GRIK4: variants seen among roughly 807,000 people sequenced by gnomAD.
GRIK4 encodes glutamate ionotropic receptor kainate type subunit 4.
In GRIK4, 40 loss-of-function variants were observed where a neutral mutation model predicts 104.9. That is an observed-to-expected ratio of 0.38 (90% CI 0.30 to 0.50). GRIK4 has a LOEUF of 0.50. Among genes scored for constraint, GRIK4 ranks in the 20% least tolerant of loss-of-function variants. The probability of loss-of-function intolerance (pLI) is 0.93; values close to 1 mark genes in which losing one functional copy is unlikely to be tolerated. For missense variants in GRIK4, 1,047 were observed against 1,308.1 expected, an observed-to-expected ratio of 0.80 and a Z score of 3.08; for synonymous variants, 485 against 524.9, an observed-to-expected ratio of 0.92 and a Z score of 1.04.
chr11:120,986,304 G>T lies in GRIK4; in HGVS notation c.*44G>T. 1 of 1,402,238 alleles carries T rather than the reference G, an allele frequency of 7.1e-7. No individual in the cohort carries two copies. Among genetic ancestry groups the T allele is most frequent in the Non-Finnish European group, 9.2e-7 (1 of 1,082,356 alleles). 86.9% of individuals were successfully genotyped at this position (1,402,238 alleles called of 1,614,324 possible). ...GCGCAGAGGCCGGGCGGGGCGGGAG[G>T]GGAGGGGCGGGGCGGGCGCTGCTGT... On this transcript the variant is annotated 3_prime_UTR_variant, in exon 21 of 21. Transcript: ENST00000527524.
chr11:120,582,552 A>C (rs1199348924), intron 1 of GRIK4, among the ~76,000 whole-genome samples: 3 of 152,076 alleles, frequency 2.0e-5, no homozygotes, highest in African/African-American at 7.2e-5. Context: ...TGCAAAAGTA[A>C]TTGCAGTTTT....
intron 3 of GRIK4, among the ~76,000 whole-genome samples, chr11:120,696,319 C>T (rs1025669008): frequency 2.0e-5 from 3 of 152,078 alleles, no homozygotes; most frequent in African/African-American, 4.8e-5. Flanking sequence ...AGCAGACTTA[C>T]GCTATCCACA....
chr11:120,772,843 G>T (rs1017376695), intron 3 of GRIK4, among the ~76,000 whole-genome samples: 1 of 151,888 alleles, frequency 6.6e-6, no homozygotes. Flanking sequence ...GGGTCCAAGT[G>T]CTGGTGCATT....
chr11:120,620,830 T>A (rs887560141), intron 1 of GRIK4, among the ~76,000 whole-genome samples: 4 of 152,210 alleles, frequency 2.6e-5, no homozygotes, highest in Non-Finnish European at 4.4e-5. Context: ...GCATGCACGA[T>A]GTGCCGGGCA....
At chr11:120,733,779 C>A (rs1951179711) in intron 3 of GRIK4, among the ~76,000 whole-genome samples, 2 of 150,858 alleles carry the variant, frequency 1.3e-5, no homozygotes, top group South Asian at 4.2e-4. Context: ...GCTCTGTCAC[C>A]CAGGCTAGAG....
At chr11:120,880,375 G>A (rs1954933443) in intron 11 of GRIK4, among the ~76,000 whole-genome samples, 1 of 152,208 alleles carries the variant, frequency 6.6e-6, no homozygotes, top group African/African-American at 2.4e-5. Flanking sequence ...AACCCTGCAG[G>A]AGAGCTATTC....
intron 8 of GRIK4, among the ~76,000 whole-genome samples, chr11:120,839,041 C>A (rs1157706120): frequency 6.6e-6 from 1 of 152,100 alleles, no homozygotes; most frequent in Non-Finnish European, 1.5e-5. Context: ...CCTGCCTTGG[C>A]CTCCAAAAAA....
chr11:120,753,578 A>G (rs978951604), intron 3 of GRIK4, among the ~76,000 whole-genome samples: 1 of 152,156 alleles, frequency 6.6e-6, no homozygotes, highest in Admixed American at 6.5e-5. Context: ...GAGAGACTAC[A>G]TACCCTATTT....
intron 3 of GRIK4, among the ~76,000 whole-genome samples, chr11:120,800,592 C>T (rs1210993403): frequency 6.6e-6 from 1 of 152,218 alleles, no homozygotes; most frequent in Non-Finnish European, 1.5e-5. Context: ...CAGAAGTCCA[C>T]TTGATTGCCT....
intron 9 of GRIK4, chr11:120,873,353 G>C (rs886072418): frequency 6.6e-6 from 1 of 152,330 alleles, no homozygotes; most frequent in Non-Finnish European, 1.5e-5. Flanking sequence ...CTCCATGAAA[G>C]ACTTTCTTGA....
chr11:120,800,275 C>T (rs1322059746), intron 3 of GRIK4, among the ~76,000 whole-genome samples: 1 of 152,176 alleles, frequency 6.6e-6, no homozygotes, highest in Non-Finnish European at 1.5e-5. Flanking sequence ...CTGGAGACCC[C>T]AGGCAGCCTC....
chr11:120,966,055 T>A (rs1944378312), intron 18 of GRIK4, among the ~76,000 whole-genome samples: 1 of 152,208 alleles, frequency 6.6e-6, no homozygotes, highest in Non-Finnish European at 1.5e-5. Context: ...GTGGTTTCAC[T>A]TAAGCCTGTT....
At chr11:120,833,366 C>G (rs1347905608) in intron 7 of GRIK4, among the ~76,000 whole-genome samples, 1 of 152,000 alleles carries the variant, frequency 6.6e-6, no homozygotes, top group Non-Finnish European at 1.5e-5. Flanking sequence ...TCTCTTATGC[C>G]TGGAGCCATG....
chr11:120,564,522 C>T, intron 1 of GRIK4: 1 of 152,182 alleles, frequency 6.6e-6, no homozygotes, highest in Non-Finnish European at 1.5e-5. Context: ...AGACGGGTGC[C>T]TCCCAGAGAG....
At chr11:120,969,158 A>G (rs1045698833) in intron 19 of GRIK4, among the ~76,000 whole-genome samples, 1 of 152,240 alleles carries the variant, frequency 6.6e-6, no homozygotes, top group Non-Finnish European at 1.5e-5. Flanking sequence ...TTCTGGAAAC[A>G]AAATTCACTT....
chr11:120,564,208 TCAGACGGCACCAGG>T (rs1343095402), intron 1 of GRIK4, among the ~76,000 whole-genome samples: 2 of 152,208 alleles, frequency 1.3e-5, no homozygotes, highest in African/African-American at 4.8e-5. Flanking sequence ...CTCGCCCCGC[TCAGACGGCACCAGG>T]CAGCTGAATC....
At chr11:120,619,393 G>A (rs1346116614) in intron 1 of GRIK4, among the ~76,000 whole-genome samples, 1 of 152,180 alleles carries the variant, frequency 6.6e-6, no homozygotes, top group African/African-American at 2.4e-5. Flanking sequence ...TATCTCAAAT[G>A]AGACTTTGGA....
At chr11:120,603,445 GTTGT>G (rs1274238025) in intron 1 of GRIK4, among the ~76,000 whole-genome samples, 1 of 152,130 alleles carries the variant, frequency 6.6e-6, no homozygotes, top group Non-Finnish European at 1.5e-5. Flanking sequence ...TCTGCAGTTC[GTTGT>G]TTATTTTTTC....
chr11:120,919,381 AAAG>A (rs781322615), intron 13 of GRIK4, among the ~76,000 whole-genome samples: 7 of 152,144 alleles, frequency 4.6e-5, no homozygotes, highest in African/African-American at 1.7e-4. Context: ...TGGAGTTTTT[AAAG>A]AAGATGAGTA....
Sources: gnomAD v4.1 joint callset for allele counts (sites outside exome capture counted in the v4.1 genomes callset) on GRCh38, gnomAD v4.1.1 for gene constraint, MANE v1.5 for transcripts, NCBI Gene and HGNC (gene_info 2026-07-23, HGNC 2026-07-21) for gene names.